Variants in NRG1 observed in about 807,000 individuals in gnomAD.
NRG1 encodes pro-neuregulin-1, membrane-bound isoform.
Under a neutral mutation model 63.8 loss-of-function variants are expected in NRG1, and 18 were observed. The observed-to-expected ratio is 0.28, with a 90% confidence interval of 0.19 to 0.42. The LOEUF is 0.42. Among genes scored for constraint, NRG1 ranks in the 10% least tolerant of loss-of-function variants. The probability of loss-of-function intolerance (pLI) is 1.00; values close to 1 mark genes in which losing one functional copy is unlikely to be tolerated. For synonymous variants in NRG1, 302 were observed against 301.3 expected, an observed-to-expected ratio of 1.00 and a Z score of -0.02; for missense variants, 762 against 814.7, an observed-to-expected ratio of 0.94 and a Z score of 0.79.
chr8:31,783,463 C>G (rs1354335), intron 1 of NRG1, among the ~76,000 whole-genome samples: 20,325 of 151,994 alleles, frequency 0.13, 1,526 homozygotes, highest in Admixed American at 0.17. Flanking sequence ...AAAGAGACCC[C>G]AACTGGAAAC....
Position 32,750,710 on chromosome 8 carries a change from C to CAAAAAAAA in NRG1, c.692-3649_692-3642dup, listed in dbSNP as rs34624230. Among the ~76,000 whole-genome samples, 144 of 124,328 alleles carry CAAAAAAAA rather than the reference C, an allele frequency of 1.2e-3. 1 individual carries two copies. Among genetic ancestry groups the CAAAAAAAA allele is most frequent in the African/African-American group, 4.3e-3 (136 of 31,952 alleles). The allele number at this position is 124,328 out of a possible 152,430, so 81.6% of individuals were successfully genotyped here. ...CTCAATGGGTTGCCCATTTCTTCCT[C>CAAAAAAAA]AAAAAAAAAAAAAAAAAAAATCAGG... On this transcript the variant is annotated intron_variant, in intron 7 of 11. Transcript: ENST00000356819.
chr8:31,685,366 A>C (rs191832130), intron 1 of NRG1, among the ~76,000 whole-genome samples: 1 of 152,324 alleles, frequency 6.6e-6, no homozygotes, highest in East Asian at 1.9e-4. Context: ...TTTTATAAAA[A>C]GGAAATGAAA....
chr8:32,165,894 A>C (rs1011148826), intron 1 of NRG1, among the ~76,000 whole-genome samples: 3 of 152,170 alleles, frequency 2.0e-5, no homozygotes, highest in African/African-American at 4.8e-5. Context: ...AGCACCTGTG[A>C]GCACATAGGT....
intron 1 of NRG1, among the ~76,000 whole-genome samples, chr8:32,091,253 A>G (rs1057038187): frequency 1.5e-4 from 22 of 149,342 alleles, no homozygotes; most frequent in Non-Finnish European, 2.5e-4. Flanking sequence ...ACTCCAGCCT[A>G]GGCGACAGAG....
chr8:31,791,944 C>T (rs563017655), intron 1 of NRG1, among the ~76,000 whole-genome samples: 10 of 152,172 alleles, frequency 6.6e-5, no homozygotes, highest in Non-Finnish European at 1.3e-4. Flanking sequence ...CTTTCTCCCA[C>T]TGCTTACATG....
At chr8:31,809,402 G>GTA (rs1228508472) in intron 1 of NRG1, among the ~76,000 whole-genome samples, 1 of 140,646 alleles carries the variant, frequency 7.1e-6, no homozygotes, top group Non-Finnish European at 1.5e-5. Context: ...ATGTGTGTGT[G>GTA]TGTATATATA....
intron 1 of NRG1, among the ~76,000 whole-genome samples, chr8:32,136,979 T>C (rs1280896624): frequency 6.6e-6 from 1 of 152,178 alleles, no homozygotes; most frequent in Non-Finnish European, 1.5e-5. Context: ...ACTTTCAGGG[T>C]ATATAAGGAG....
intron 1 of NRG1, among the ~76,000 whole-genome samples, chr8:31,733,153 T>A (rs1814282078): frequency 6.6e-6 from 1 of 151,862 alleles, no homozygotes; most frequent in South Asian, 2.1e-4. Flanking sequence ...ATTCTGTTTT[T>A]TTTTTTTTAT....
chr8:31,665,097 G>T (rs544851163), intron 1 of NRG1, among the ~76,000 whole-genome samples: 1 of 152,146 alleles, frequency 6.6e-6, no homozygotes, highest in African/African-American at 2.4e-5. Flanking sequence ...ACAGAGATTT[G>T]TCAGCAGACA....
intron 1 of NRG1, among the ~76,000 whole-genome samples, chr8:32,200,314 A>G (rs1843373169): frequency 6.6e-6 from 1 of 152,192 alleles, no homozygotes; most frequent in East Asian, 1.9e-4. Flanking sequence ...TTTAATGCAG[A>G]TACTGAATTT....
chr8:31,819,148 A>C (rs1257685564), intron 1 of NRG1, among the ~76,000 whole-genome samples: 3 of 152,134 alleles, frequency 2.0e-5, no homozygotes, highest in African/African-American at 7.2e-5. Flanking sequence ...CTGAGGCAGG[A>C]GGATTGTTTG....
intron 1 of NRG1, among the ~76,000 whole-genome samples, chr8:31,866,631 T>C (rs1828988745): frequency 6.6e-6 from 1 of 152,150 alleles, no homozygotes; most frequent in Admixed American, 6.6e-5. Flanking sequence ...GAGAGTTTAT[T>C]GTGTATATTT....
At chr8:32,479,774 C>T (rs576512258) in intron 1 of NRG1, among the ~76,000 whole-genome samples, 7 of 152,124 alleles carry the variant, frequency 4.6e-5, no homozygotes, top group South Asian at 2.1e-4. Context: ...CTCAGCCTCC[C>T]GAGTAGCTGG....
chr8:32,035,478 C>G (rs1169611927), intron 1 of NRG1, among the ~76,000 whole-genome samples: 1 of 151,770 alleles, frequency 6.6e-6, no homozygotes, highest in African/African-American at 2.4e-5. Flanking sequence ...GAGCTGAGTT[C>G]AAGTTCTGAT....
intron 1 of NRG1, among the ~76,000 whole-genome samples, chr8:32,119,867 A>G (rs960104041): frequency 2.6e-5 from 4 of 152,108 alleles, no homozygotes; most frequent in Non-Finnish European, 5.9e-5. Flanking sequence ...TGTTTGATCC[A>G]TTTGAAAGTT....
chr8:32,369,196 G>T (rs1482973901), intron 1 of NRG1, among the ~76,000 whole-genome samples: 6 of 152,164 alleles, frequency 3.9e-5, no homozygotes, highest in Non-Finnish European at 7.3e-5. Context: ...GTTTGAGTTT[G>T]GGTTTTTTAC....
At chr8:31,731,331 T>C (rs1814028743) in intron 1 of NRG1, among the ~76,000 whole-genome samples, 1 of 151,970 alleles carries the variant, frequency 6.6e-6, no homozygotes, top group African/African-American at 2.4e-5. Context: ...GAAGATATCA[T>C]GAAACTATTA....
intron 5 of NRG1, among the ~76,000 whole-genome samples, chr8:32,710,573 G>A (rs1233053159): frequency 4.6e-5 from 7 of 152,170 alleles, no homozygotes; most frequent in East Asian, 1.9e-4. Flanking sequence ...AGTAAAGTGT[G>A]TATTTTTTTC....
chr8:32,609,091 G>A (rs1192852856), intron 3 of NRG1, among the ~76,000 whole-genome samples: 1 of 152,134 alleles, frequency 6.6e-6, no homozygotes. Context: ...TTCAAAGTCT[G>A]GGGGTGGAGC....
Sources: gnomAD v4.1 joint callset for allele counts (sites outside exome capture counted in the v4.1 genomes callset) on GRCh38, gnomAD v4.1.1 for gene constraint, MANE v1.5 for transcripts, NCBI Gene and HGNC (gene_info 2026-07-23, HGNC 2026-07-21) for gene names.